Variants in GRIA4 observed in about 807,000 individuals in gnomAD.
GRIA4 encodes glutamate ionotropic receptor AMPA type subunit 4.
A neutral mutation model predicts 104.0 loss-of-function variants in GRIA4; 34 were observed. The observed-to-expected ratio is 0.33, with a 90% CI of 0.25 to 0.44. The LOEUF (loss-of-function observed/expected upper bound fraction) is 0.44, where lower values mean the gene tolerates loss of function less well. Ranked by LOEUF, GRIA4 falls within the 20% of genes least tolerant of loss-of-function variation. The probability of loss-of-function intolerance (pLI) is 1.00; values close to 1 mark genes in which losing one functional copy is unlikely to be tolerated. For missense variants in GRIA4, 750 were observed against 1,096.5 expected (o/e 0.68, Z 4.46); for synonymous variants, 386 against 381.9 (o/e 1.01, Z -0.13).
At chr11:105,697,957 C>A (rs1451959704) in intron 3 of GRIA4, among the ~76,000 whole-genome samples, 1 of 152,218 alleles carries the variant, frequency 6.6e-6, no homozygotes, top group African/African-American at 2.4e-5. Flanking sequence ...CCTTTAAGTG[C>A]CTTTTCTTAT....
At chr11:105,723,613 T>C (rs1330109086) in intron 3 of GRIA4, among the ~76,000 whole-genome samples, 1 of 152,070 alleles carries the variant, frequency 6.6e-6, no homozygotes, top group African/African-American at 2.4e-5. Flanking sequence ...CATGAATTAG[T>C]CTTAACCTCA....
At chr11:105,765,246 A>G (rs769216236) in intron 4 of GRIA4, among the ~76,000 whole-genome samples, 1 of 152,236 alleles carries the variant, frequency 6.6e-6, no homozygotes, top group Non-Finnish European at 1.5e-5. Context: ...TAAAGAAATA[A>G]TCAGAGTTTT....
intron 3 of GRIA4, among the ~76,000 whole-genome samples, chr11:105,690,322 A>G (rs1591079834): frequency 6.6e-6 from 1 of 152,026 alleles, no homozygotes; most frequent in African/African-American, 2.4e-5. Flanking sequence ...GCTCAAATTC[A>G]CTTGCTCACA....
At chr11:105,964,947 C>T (rs1948828657) in intron 14 of GRIA4, among the ~76,000 whole-genome samples, 1 of 152,126 alleles carries the variant, frequency 6.6e-6, no homozygotes, top group Non-Finnish European at 1.5e-5. Context: ...GCTGGGATTA[C>T]AGGTGCCCAC....
intron 3 of GRIA4, among the ~76,000 whole-genome samples, chr11:105,733,309 AGAT>A (rs768092442): frequency 6.6e-6 from 1 of 152,228 alleles, no homozygotes; most frequent in Non-Finnish European, 1.5e-5. Flanking sequence ...TAGGCCATAT[AGAT>A]GATACATGTA....
chr11:105,835,248 T>G (rs1944134044), intron 4 of GRIA4, among the ~76,000 whole-genome samples: 1 of 152,020 alleles, frequency 6.6e-6, no homozygotes, highest in African/African-American at 2.4e-5. Context: ...TCTTCATCAG[T>G]TAAAATATTC....
At chr11:105,931,573 C>T (rs975572603) in intron 13 of GRIA4, among the ~76,000 whole-genome samples, 4 of 151,706 alleles carry the variant, frequency 2.6e-5, no homozygotes, top group Admixed American at 6.6e-5. Context: ...GGTGTGGTGG[C>T]GGGTTTCTGT....
chr11:105,877,988 C>G lies in GRIA4; in HGVS notation c.673-9531C>G, dbSNP rs370343745. On this transcript the variant is annotated intron_variant, in intron 5 of 16. Coordinates refer to ENST00000282499, the MANE Select transcript of GRIA4 (RefSeq NM_000829.4). ...TTGTGATCCTTTGGAGGAGAAGAGG[C>G]GTTCTGGTTTTTGGAATTTTCAGCC... Among the ~76,000 whole-genome samples the G allele has an allele frequency of 3.9e-5, 6 of 152,124 alleles. No homozygotes were observed. The South Asian group carries it at 6.2e-4, about 16-fold the overall frequency.
intron 3 of GRIA4, among the ~76,000 whole-genome samples, chr11:105,716,537 T>C (rs984181022): frequency 2.0e-5 from 3 of 152,152 alleles, no homozygotes; most frequent in Admixed American, 6.6e-5. Context: ...CAGTGTGCTG[T>C]CCTATTTCTG....
chr11:105,914,029 T>C (rs911545812), intron 10 of GRIA4, among the ~76,000 whole-genome samples: 5 of 151,788 alleles, frequency 3.3e-5, no homozygotes, highest in African/African-American at 1.2e-4. Flanking sequence ...TGCATTATAA[T>C]AACATACACA....
At chr11:105,695,082 A>G (rs1953220268) in intron 3 of GRIA4, among the ~76,000 whole-genome samples, 1 of 152,164 alleles carries the variant, frequency 6.6e-6, no homozygotes, top group Non-Finnish European at 1.5e-5. Flanking sequence ...TTTTTCTCCT[A>G]TTCTGCTATG....
chr11:105,613,447 T>C (rs2135244749), intron 3 of GRIA4: 1 of 152,322 alleles, frequency 6.6e-6, no homozygotes, highest in Admixed American at 6.5e-5. Context: ...AGTTTCTACA[T>C]ACAATTTTGC....
chr11:105,694,656 T>C (rs936043227), intron 3 of GRIA4, among the ~76,000 whole-genome samples: 3 of 152,118 alleles, frequency 2.0e-5, no homozygotes, highest in Non-Finnish European at 4.4e-5. Context: ...TTCATCTATA[T>C]TTAAAGTTCC....
At chr11:105,779,636 A>T (rs1054988005) in intron 4 of GRIA4, among the ~76,000 whole-genome samples, 20 of 142,792 alleles carry the variant, frequency 1.4e-4, no homozygotes, top group African/African-American at 5.0e-4. Flanking sequence ...AAAGTATAAT[A>T]AAAAAAAAAA....
chr11:105,936,003 T>C (rs1948024752), intron 14 of GRIA4, among the ~76,000 whole-genome samples: 2 of 152,166 alleles, frequency 1.3e-5, no homozygotes, highest in South Asian at 4.1e-4. Context: ...TTGTTTTATA[T>C]ATGCCACAAT....
intron 4 of GRIA4, among the ~76,000 whole-genome samples, chr11:105,794,422 T>C (rs1236593597): frequency 7.8e-6 from 1 of 128,304 alleles, no homozygotes; most frequent in Non-Finnish European, 1.7e-5. Flanking sequence ...TATGTGTATG[T>C]GTGTGCCGGG....
intron 14 of GRIA4, among the ~76,000 whole-genome samples, chr11:105,944,856 A>T (rs79482744): frequency 6.6e-6 from 1 of 152,114 alleles, no homozygotes; most frequent in Non-Finnish European, 1.5e-5. Flanking sequence ...GAAAAAAAAA[A>T]TCTCATCTTT....
rs544013122 is a variant in GRIA4 at position 105,690,885 on chromosome 11, T to C, written c.248-62096T>C. 1.6e-4 allele frequency among the ~76,000 whole-genome samples: 25 copies of C among 152,344 alleles called. No homozygotes were observed. The South Asian group carries it at 3.3e-3, about 20-fold the overall frequency. On this transcript the variant is annotated intron_variant, in intron 3 of 16. Transcript: ENST00000282499. ...ATAATCAACTTCAAGAATAAATATT[T>C]AAACTCCATGAGTTAATTGGCCAAT...
At chr11:105,622,934 G>A (rs1950787749) in intron 3 of GRIA4, among the ~76,000 whole-genome samples, 1 of 151,512 alleles carries the variant, frequency 6.6e-6, no homozygotes. Context: ...ATAAGCACAT[G>A]TAATATTTGA....
Sources: allele counts gnomAD v4.1 joint callset (sites outside exome capture counted in the v4.1 genomes callset), GRCh38; gene constraint gnomAD v4.1.1; transcripts MANE v1.5; gene names NCBI Gene and HGNC (gene_info 2026-07-23, HGNC 2026-07-21).